The following ROBO2 variants were observed in gnomAD, a reference collection of about 807,000 sequenced individuals.
ROBO2 encodes roundabout guidance receptor 2, also known as roundabout homolog 2.
In ROBO2, 53 loss-of-function variants were observed where a neutral mutation model predicts 160.8. That is an observed-to-expected ratio of 0.33 (90% CI 0.26 to 0.41). ROBO2 has a LOEUF of 0.41. ROBO2 is among the 10% of genes least tolerant of loss of function. The probability of loss-of-function intolerance (pLI) is 1.00; values close to 1 mark genes in which losing one functional copy is unlikely to be tolerated. For missense variants in ROBO2, 1,577 were observed against 1,722.4 expected, an observed-to-expected ratio of 0.92 and a Z score of 1.49; for synonymous variants, 664 against 611.7, an observed-to-expected ratio of 1.09 and a Z score of -1.26.
intron 2 of ROBO2, among the ~76,000 whole-genome samples, chr3:75,955,841 C>T (rs1289236578): frequency 6.6e-6 from 1 of 151,714 alleles, no homozygotes; most frequent in African/African-American, 2.4e-5. Flanking sequence ...CCCACCCAGA[C>T]TGTGCTTCTC....
At chr3:76,403,279 C>A (rs2077946249) in intron 2 of ROBO2, among the ~76,000 whole-genome samples, 1 of 151,458 alleles carries the variant, frequency 6.6e-6, no homozygotes, top group South Asian at 2.1e-4. Flanking sequence ...AAATTAGATG[C>A]CAACAATGAG....
intron 2 of ROBO2, among the ~76,000 whole-genome samples, chr3:76,762,048 C>T (rs1012369949): frequency 4.0e-5 from 6 of 150,998 alleles, no homozygotes; most frequent in Admixed American, 6.6e-5. Flanking sequence ...ATTCTCCAAA[C>T]CGAGTAGAGT....
At chr3:76,548,073 A>T (rs539430880) in intron 2 of ROBO2, among the ~76,000 whole-genome samples, 1 of 152,306 alleles carries the variant, frequency 6.6e-6, no homozygotes, top group African/African-American at 2.4e-5. Context: ...AGAATGGTGC[A>T]TATATAAAAC....
At chr3:77,525,789 T>C (rs1227504264) in intron 6 of ROBO2, among the ~76,000 whole-genome samples, 1 of 151,108 alleles carries the variant, frequency 6.6e-6, no homozygotes, top group Admixed American at 6.6e-5. Flanking sequence ...CAGTTTCTTT[T>C]TTTTTTTTCT....
chr3:77,496,816 A>G (rs1343256414), intron 5 of ROBO2, among the ~76,000 whole-genome samples: 1 of 152,068 alleles, frequency 6.6e-6, no homozygotes, highest in African/African-American at 2.4e-5. Context: ...ATCTGTGCCA[A>G]CCTTTCAGTA....
At chr3:75,910,234 C>T (rs1946512795) in intron 1 of ROBO2, among the ~76,000 whole-genome samples, 1 of 152,132 alleles carries the variant, frequency 6.6e-6, no homozygotes, top group African/African-American at 2.4e-5. Context: ...TGGACATTGT[C>T]CGACCACATG....
chr3:77,166,192 A>G (rs1050713180), intron 2 of ROBO2, among the ~76,000 whole-genome samples: 1 of 152,124 alleles, frequency 6.6e-6, no homozygotes, highest in Non-Finnish European at 1.5e-5. Flanking sequence ...CAGGAGGCGG[A>G]GGTTGTAGTA....
chr3:76,069,358 C>A (rs1309352679), intron 2 of ROBO2, among the ~76,000 whole-genome samples: 1 of 152,116 alleles, frequency 6.6e-6, no homozygotes, highest in Non-Finnish European at 1.5e-5. Flanking sequence ...TTCCCAGATT[C>A]AATCCATCAG....
intron 1 of ROBO2, among the ~76,000 whole-genome samples, chr3:77,042,941 G>T (rs1445169911): frequency 1.3e-5 from 2 of 152,240 alleles, no homozygotes; most frequent in Non-Finnish European, 2.9e-5. Context: ...ATTTTTGTGT[G>T]TGTGAAACTA....
At chr3:77,340,055 T>C (rs905755578) in intron 2 of ROBO2, among the ~76,000 whole-genome samples, 2 of 152,138 alleles carry the variant, frequency 1.3e-5, no homozygotes, top group African/African-American at 4.8e-5. Context: ...TGCCTGCTGA[T>C]ATTCCGATAA....
intron 2 of ROBO2, among the ~76,000 whole-genome samples, chr3:77,278,582 T>A (rs573748166): frequency 1.3e-5 from 2 of 152,314 alleles, no homozygotes; most frequent in Non-Finnish European, 2.9e-5. Flanking sequence ...TTCCATAGAT[T>A]TTCTAATTTT....
At chr3:76,974,874 C>A (rs2059737673) in intron 2 of ROBO2, among the ~76,000 whole-genome samples, 1 of 152,008 alleles carries the variant, frequency 6.6e-6, no homozygotes, top group African/African-American at 2.4e-5. Context: ...AAGTAGTAAA[C>A]AGCTTACAGA....
chr3:76,980,703 T>A (rs2060053058), intron 2 of ROBO2, among the ~76,000 whole-genome samples: 1 of 152,196 alleles, frequency 6.6e-6, no homozygotes, highest in Non-Finnish European at 1.5e-5. Flanking sequence ...TGAGATGTGA[T>A]AATTCACATG....
chr3:77,443,672 A>G (rs2080181182), intron 2 of ROBO2, among the ~76,000 whole-genome samples: 2 of 152,174 alleles, frequency 1.3e-5, no homozygotes, highest in Admixed American at 1.3e-4. Flanking sequence ...ATATATTAAC[A>G]TAAATAATTT....
intron 2 of ROBO2, among the ~76,000 whole-genome samples, chr3:76,572,231 A>G (rs1182047621): frequency 6.6e-6 from 1 of 152,152 alleles, no homozygotes; most frequent in Non-Finnish European, 1.5e-5. Context: ...GTTTTAAAAA[A>G]TCTAAGATCC....
intron 11 of ROBO2, among the ~76,000 whole-genome samples, chr3:77,564,293 T>C (rs556020692): frequency 6.6e-6 from 1 of 152,234 alleles, no homozygotes; most frequent in African/African-American, 2.4e-5. Context: ...TAAAATGGCA[T>C]CCATCTGTGG....
chr3:75,999,723 A>G (rs2065828990), intron 2 of ROBO2, among the ~76,000 whole-genome samples: 1 of 152,312 alleles, frequency 6.6e-6, no homozygotes, highest in Middle Eastern at 3.4e-3. Flanking sequence ...TTGATGTAAG[A>G]AAGGTAAATG....
At chr3:76,025,586 T>C (rs867244404) in intron 2 of ROBO2, among the ~76,000 whole-genome samples, 5 of 151,692 alleles carry the variant, frequency 3.3e-5, no homozygotes, top group Admixed American at 2.0e-4. Context: ...GAGTCTCTCA[T>C]GAGGCTCAGA....
chr3:77,294,682 A>T (rs1421004644), intron 2 of ROBO2, among the ~76,000 whole-genome samples: 3 of 149,648 alleles, frequency 2.0e-5, no homozygotes, highest in Non-Finnish European at 2.9e-5. Flanking sequence ...TTGATGGTTA[A>T]ACGGGTAAGC....
Sources: allele counts gnomAD v4.1 joint callset (sites outside exome capture counted in the v4.1 genomes callset), GRCh38; gene constraint gnomAD v4.1.1; transcripts MANE v1.5; gene names NCBI Gene and HGNC (gene_info 2026-07-23, HGNC 2026-07-21).